Variants in MARCHF8 observed in about 807,000 individuals in gnomAD.
MARCHF8 encodes the protein E3 ubiquitin-protein ligase MARCHF8.
MARCHF8 carries 40 observed loss-of-function variants against 51.6 expected under a neutral mutation model. The ratio of observed to expected loss-of-function variants is 0.77; its 90% CI spans 0.60 to 1.01. The LOEUF is 1.01. Among genes scored for constraint, MARCHF8 ranks in the 50% least tolerant of loss-of-function variants. MARCHF8 has a pLI of 0.00. For missense variants in MARCHF8, 685 were observed against 708.6 expected (o/e 0.97, Z 0.38); for synonymous variants, 263 against 280.3 (o/e 0.94, Z 0.62).
intron 2 of MARCHF8, among the ~76,000 whole-genome samples, chr10:45,512,619 CCCGGCCAGCCGCCCCGT>C (rs1316841782): frequency 6.7e-6 from 1 of 150,362 alleles, no homozygotes; most frequent in African/African-American, 2.4e-5. Flanking sequence ...CAGCCCCCCG[CCCGGCCAGCCGCCCCGT>C]CCGGGAGGTG....
In MARCHF8 at chr10:45,461,499, A is replaced by AAACT. The variant is rs1842785621; in HGVS notation, c.1089-92_1089-89dup. 4 of 1,162,306 alleles carry AAACT rather than the reference A, an allele frequency of 3.4e-6. No homozygotes were observed. In the Admixed American group the frequency reaches 1.0e-4, roughly 30 times the overall value. The allele number at this position is 1,162,306 out of a possible 1,614,324, so 72.0% of individuals were successfully genotyped here. ...AGTGGCAGGTTAATCCCCCCAAAGG[A>AAACT]AACTCAGAAACGAACATTACAGAAG... On this transcript the variant is annotated intron_variant, in intron 5 of 7. Coordinates refer to ENST00000453424, the MANE Select transcript of MARCHF8 (RefSeq NM_001282866.2).
intron 1 of MARCHF8, among the ~76,000 whole-genome samples, chr10:45,582,083 T>C (rs2044562193): frequency 6.6e-6 from 1 of 152,186 alleles, no homozygotes; most frequent in African/African-American, 2.4e-5. Context: ...AATGTCCACC[T>C]ATGGGAGGCC....
chr10:45,528,636 T>C (rs1054832579), intron 2 of MARCHF8, among the ~76,000 whole-genome samples: 6 of 152,158 alleles, frequency 3.9e-5, no homozygotes, highest in African/African-American at 1.4e-4. Context: ...AATTTTTGTA[T>C]TTTTTGTTGT....
chr10:45,457,386 T>C lies in MARCHF8; in HGVS notation c.*853A>G, dbSNP rs1375378731. 6.6e-6 allele frequency: 1 copy of C among 152,262 alleles called. No homozygotes were observed. Among genetic ancestry groups the C allele is most frequent in the Non-Finnish European group, 1.5e-5 (1 of 68,034 alleles). The allele number at this position is 152,262 out of a possible 1,614,324, so 9.4% of individuals were successfully genotyped here. ...GCTCAAAAGCATAGGAATCATGCTT[T>C]AATTGCCATTTAGCATCCACTAATT... On this transcript the variant is annotated 3_prime_UTR_variant, in exon 8 of 8. Transcript: ENST00000453424.
chr10:45,522,064 A>G (rs1411493278), intron 2 of MARCHF8, among the ~76,000 whole-genome samples: 1 of 152,206 alleles, frequency 6.6e-6, no homozygotes, highest in Non-Finnish European at 1.5e-5. Context: ...GTTTTTTATA[A>G]TCTAAGACAG....
intron 2 of MARCHF8, among the ~76,000 whole-genome samples, chr10:45,525,788 A>C (rs1253609909): frequency 6.6e-6 from 1 of 152,222 alleles, no homozygotes; most frequent in Non-Finnish European, 1.5e-5. Flanking sequence ...TAGTCTAGTC[A>C]TGAGAAAAAT....
intron 1 of MARCHF8, among the ~76,000 whole-genome samples, chr10:45,567,191 T>C (rs1332258724): frequency 6.6e-6 from 1 of 152,212 alleles, no homozygotes; most frequent in East Asian, 1.9e-4. Flanking sequence ...CCTTGCCAGC[T>C]GGGTAGTTTG....
chr10:45,459,996 G>T (rs925218884), intron 6 of MARCHF8: 9 of 628,270 alleles, frequency 1.4e-5, no homozygotes, highest in Non-Finnish European at 1.8e-5. Context: ...GTCTATGCAG[G>T]GTAGTTGAAA....
chr10:45,564,321 A>G (rs1160826922), intron 1 of MARCHF8, among the ~76,000 whole-genome samples: 2 of 152,020 alleles, frequency 1.3e-5, no homozygotes, highest in Non-Finnish European at 2.9e-5. Flanking sequence ...AGAAATTCAA[A>G]AACAGAAAAG....
chr10:45,494,983 G>A (rs967882511), intron 2 of MARCHF8, among the ~76,000 whole-genome samples: 5 of 152,152 alleles, frequency 3.3e-5, no homozygotes, highest in African/African-American at 1.2e-4. Context: ...AGCTGGGCGT[G>A]GTGGCACATG....
At chr10:45,593,887 A>G (rs2044708003) in intron 1 of MARCHF8, among the ~76,000 whole-genome samples, 2 of 152,248 alleles carry the variant, frequency 1.3e-5, no homozygotes, top group Non-Finnish European at 2.9e-5. Flanking sequence ...TAAAAAATAC[A>G]CAAAACATTT....
chr10:45,560,395 G>A (rs2044296259), intron 1 of MARCHF8, among the ~76,000 whole-genome samples: 1 of 152,188 alleles, frequency 6.6e-6, no homozygotes, highest in South Asian at 2.1e-4. Context: ...AACTGATCTA[G>A]ATAAGTTAGT....
chr10:45,528,176 T>G (rs2043822054), intron 2 of MARCHF8, among the ~76,000 whole-genome samples: 2 of 152,062 alleles, frequency 1.3e-5, no homozygotes, highest in African/African-American at 4.8e-5. Context: ...AGCATTCCCC[T>G]TAAGAAATGG....
chr10:45,518,090 G>A (rs1480881776), intron 2 of MARCHF8, among the ~76,000 whole-genome samples: 1 of 152,206 alleles, frequency 6.6e-6, no homozygotes, highest in African/African-American at 2.4e-5. Flanking sequence ...GAGGTGATGA[G>A]TGCACATCGT....
chr10:45,527,912 G>C (rs935900954), intron 2 of MARCHF8, among the ~76,000 whole-genome samples: 5 of 152,118 alleles, frequency 3.3e-5, no homozygotes, highest in South Asian at 2.1e-4. Context: ...CCACAATCAA[G>C]TGGGTTATAT....
intron 1 of MARCHF8, among the ~76,000 whole-genome samples, chr10:45,577,324 G>C (rs1332522482): frequency 6.6e-6 from 1 of 152,042 alleles, no homozygotes; most frequent in African/African-American, 2.4e-5. Flanking sequence ...ACAACAGGAT[G>C]ACTACAGTCA....
chr10:45,461,069 A>G (rs1340532690), intron 6 of MARCHF8, 162 bp downstream of exon 6: 3 of 457,632 alleles, frequency 6.6e-6, no homozygotes, highest in Non-Finnish European at 7.4e-6. Flanking sequence ...GGACTTGAAA[A>G]TCAGCACCAG....
chr10:45,530,431 C>T (rs1171010220), intron 2 of MARCHF8, among the ~76,000 whole-genome samples: 1 of 152,156 alleles, frequency 6.6e-6, no homozygotes, highest in African/African-American at 2.4e-5. Flanking sequence ...AATACTCCAT[C>T]CTAGCTTAAC....
intron 3 of MARCHF8, among the ~76,000 whole-genome samples, chr10:45,464,717 T>G (rs1005680505): frequency 6.6e-6 from 1 of 152,174 alleles, no homozygotes; most frequent in African/African-American, 2.4e-5. Context: ...TAGCACTCTC[T>G]CCTAGTTCCC....
Sources: allele counts gnomAD v4.1 joint callset (sites outside exome capture counted in the v4.1 genomes callset), GRCh38; gene constraint gnomAD v4.1.1; transcripts MANE v1.5; gene names NCBI Gene and HGNC (gene_info 2026-07-23, HGNC 2026-07-21).